LTBP2: variants seen among roughly 807,000 people sequenced by gnomAD.
LTBP2 encodes latent transforming growth factor beta binding protein 2, also known as latent-transforming growth factor beta-binding protein 2.
In LTBP2, 103 loss-of-function variants were observed where a neutral mutation model predicts 210.6. That is an observed-to-expected ratio of 0.49 (90% CI 0.42 to 0.58). The LOEUF is 0.58. Ranked by LOEUF, LTBP2 falls within the 20% of genes least tolerant of loss-of-function variation. The probability of loss-of-function intolerance (pLI) is 0.00; values close to 1 mark genes in which losing one functional copy is unlikely to be tolerated. For missense variants in LTBP2, 2,313 were observed against 2,494.5 expected, an observed-to-expected ratio of 0.93 and a Z score of 1.55; for synonymous variants, 1,007 against 1,015.0, an observed-to-expected ratio of 0.99 and a Z score of 0.15.
intron 3 of LTBP2, chr14:74,560,096 C>A (rs2139757803): frequency 6.6e-6 from 1 of 152,274 alleles, no homozygotes; most frequent in South Asian, 2.1e-4. Context: ...TTTCATGAAT[C>A]CGTAAGATTT....
At chr14:74,501,964 T>C (rs964381796) in intron 34 of LTBP2, 10 of 333,344 alleles carry the variant, frequency 3.0e-5, no homozygotes, top group Non-Finnish European at 4.6e-5. Flanking sequence ...CTTCACATCG[T>C]GTTTTTGGGA....
Position 74,500,981 on chromosome 14 carries a change from T to TG in LTBP2, c.5368dup (p.His1790ProfsTer22). 6.2e-7 allele frequency: 1 copy of TG among 1,614,138 alleles called. No individual in the cohort carries two copies. The highest frequency in any genetic ancestry group is 8.5e-7 in the Non-Finnish European group (1 of 1,180,014). ...GCCCTCTGTGTTCTCGCAGTAACCA[T>TG]GGACACAGAGCACAGCAGGCCCGTT... On this transcript the variant is annotated frameshift_variant, in exon 36 of 36. Coordinates refer to ENST00000261978, the MANE Select transcript of LTBP2 (RefSeq NM_000428.3). LOFTEE classifies it high-confidence loss of function.
intron 15 of LTBP2, among the ~76,000 whole-genome samples, chr14:74,524,161 C>T (rs1385923816): frequency 1.1e-4 from 16 of 152,270 alleles, no homozygotes; most frequent in South Asian, 4.1e-4. Context: ...CTTCCCATCC[C>T]TTCCTCCAGG....
intron 27 of LTBP2, 120 bp downstream of exon 27, chr14:74,506,578 T>C: frequency 6.7e-7 from 1 of 1,494,670 alleles, no homozygotes; most frequent in Admixed American, 1.7e-5. Flanking sequence ...CTTTGAAGCC[T>C]CCCTTGCCCA....
In LTBP2 at chr14:74,611,857, C is replaced by G; in HGVS notation, c.88G>C (p.Val30Leu). Residue 30 changes from valine to leucine, a missense_variant, in exon 1 of 36, where the codon GTG (valine) becomes CTG (leucine). Val to Leu is a conservative substitution (Grantham distance 32, BLOSUM62 1). This residue lies in a region of LTBP2 where 1,867 missense variants were observed against 1,976.9 expected (regional missense o/e 0.94). Coordinates refer to ENST00000261978, the MANE Select transcript of LTBP2 (RefSeq NM_000428.3). ...GFLPLTLALF[V>L]GAGHAQRDPV... ...TCCCTTTGGGCATGACCCGCGCCCA[C>G]GAAGAGAGCCAGGGTGAGCGGCAGG... 6.2e-7 allele frequency: 1 copy of G among 1,610,846 alleles called. No homozygotes were observed. Among genetic ancestry groups the G allele is most frequent in the Non-Finnish European group, 8.5e-7 (1 of 1,179,526 alleles).
chr14:74,554,687 A>G (rs1021208379), intron 4 of LTBP2, among the ~76,000 whole-genome samples: 1 of 152,160 alleles, frequency 6.6e-6, no homozygotes, highest in Non-Finnish European at 1.5e-5. Context: ...CTTAGTGGGT[A>G]CAAGGATTCT....
chr14:74,606,091 T>C (rs1307635330), intron 1 of LTBP2, among the ~76,000 whole-genome samples: 1 of 152,158 alleles, frequency 6.6e-6, no homozygotes, highest in Non-Finnish European at 1.5e-5. Context: ...TCTGACTCCC[T>C]AGAAGGTACC....
intron 8 of LTBP2, among the ~76,000 whole-genome samples, chr14:74,536,901 A>G (rs1420738764): frequency 6.6e-6 from 1 of 152,214 alleles, no homozygotes; most frequent in Non-Finnish European, 1.5e-5. Flanking sequence ...TTATTTGTCA[A>G]TTAAAATTTT....
intron 8 of LTBP2, among the ~76,000 whole-genome samples, chr14:74,543,412 A>G (rs1019715025): frequency 6.7e-6 from 1 of 150,044 alleles, no homozygotes; most frequent in Admixed American, 6.6e-5. Flanking sequence ...GAGGACGAAG[A>G]CTCAGCTTGT....
Position 74,529,010 on chromosome 14 carries a change from G to A in LTBP2, c.2100C>T (p.Arg700=), listed in dbSNP as rs767752650. 30 of 1,604,056 alleles carry A rather than the reference G, an allele frequency of 1.9e-5. No individual in the cohort carries two copies. Among genetic ancestry groups the A allele is most frequent in the Admixed American group, 5.1e-5 (3 of 58,906 alleles). ...ACTCGCTGCCCCATGCTTTGCCCAC[G>A]CGGCTGCAGCAGCATATCTGCTTGG... ...RITKQICCCS[R]VGKAWGSECE... is the part of the protein sequence containing the mutation. Residue 700 remains arginine (R), a synonymous_variant, in exon 11 of 36, where the codon CGC becomes CGT. Coordinates refer to ENST00000261978, the MANE Select transcript of LTBP2 (RefSeq NM_000428.3).
rs886050762 is a variant in LTBP2, at chr14:74,612,008, G to A, written c.-64C>T. 77 of 1,433,514 alleles carry A rather than the reference G, an allele frequency of 5.4e-5. 1 individual carries two copies. The Admixed American group carries it at 1.9e-3, about 36-fold the overall frequency. The allele number at this position is 1,433,514 out of a possible 1,614,324, so 88.8% of individuals were successfully genotyped here. ...CGAAGAGCTTTGTGGTCGGCACGCT[G>A]GACGCCCGCGGGCTGTTCTCCCGGC... is the stretch of plus-strand genomic sequence containing the variant. On this transcript the variant is annotated 5_prime_UTR_variant, in exon 1 of 36. Transcript: ENST00000261978.
intron 3 of LTBP2, among the ~76,000 whole-genome samples, chr14:74,581,499 C>A (rs1483945261): frequency 6.6e-6 from 1 of 152,048 alleles, no homozygotes; most frequent in South Asian, 2.1e-4. Flanking sequence ...TGGAGTCCAC[C>A]TGCTGCTGCT....
chr14:74,530,256 G>C (rs1333351869), intron 10 of LTBP2, among the ~76,000 whole-genome samples: 1 of 152,240 alleles, frequency 6.6e-6, no homozygotes, highest in Non-Finnish European at 1.5e-5. Flanking sequence ...GATTGGGTCA[G>C]GGATGGGCAC....
chr14:74,505,947 A>C, intron 28 of LTBP2, 101 bp downstream of exon 28: 1 of 1,512,732 alleles, frequency 6.6e-7, no homozygotes, highest in Non-Finnish European at 9.1e-7. Context: ...GCCCTGGCCC[A>C]GTGTCCCCCT....
At position 74,502,499 on chromosome 14, in the gene LTBP2, T is replaced by C. The variant is rs1402687272; in HGVS notation, c.5170+154A>G. ...AGGGTCGGACCTGGGCGTATGTACT[T>C]GTCTCAAGCGAGCCGTGAACGGGGA... is the stretch of plus-strand genomic sequence containing the variant. On this transcript the variant is annotated intron_variant, in intron 34 of 35. Transcript: ENST00000261978. 11 of 980,360 alleles carry C rather than the reference T, an allele frequency of 1.1e-5. No homozygotes were observed. The East Asian group carries it at 2.6e-4, about 23-fold the overall frequency. 60.7% of individuals were successfully genotyped at this position (980,360 alleles called of 1,614,324 possible). A position where few individuals can be genotyped will look rare whatever the true frequency, so the allele number is the denominator to read the frequency against.
Position 74,575,699 on chromosome 14 carries a change from C to T in LTBP2, c.830+10155G>A, listed in dbSNP as rs145324628. Among the ~76,000 whole-genome samples the T allele has an allele frequency of 2.7e-3, 408 of 152,328 alleles. 3 individuals carry two copies. The highest frequency in any genetic ancestry group is 9.3e-3 in the African/African-American group (386 of 41,568). On this transcript the variant is annotated intron_variant, in intron 3 of 35. Coordinates refer to ENST00000261978, the MANE Select transcript of LTBP2 (RefSeq NM_000428.3). Reference sequence around the variant, plus strand: ...GGACCCTCCACAAGCCTTAGTGTGGCCCATCCACATTTCTAGAACCTACCC... The same window carrying T: ...GGACCCTCCACAAGCCTTAGTGTGGTCCATCCACATTTCTAGAACCTACCC...
At chr14:74,569,248 C>T (rs934602108) in intron 3 of LTBP2, among the ~76,000 whole-genome samples, 21 of 151,962 alleles carry the variant, frequency 1.4e-4, no homozygotes, top group Middle Eastern at 3.2e-3. Context: ...GTCAGTTGCC[C>T]GACTCAGAGA....
intron 16 of LTBP2, 33 bp downstream of exon 16, chr14:74,522,757 C>A: frequency 6.3e-7 from 1 of 1,598,088 alleles, no homozygotes. Context: ...CTACCCCAGC[C>A]GCCAAGTAAG....
At chr14:74,587,897 C>T (rs1162388352) in intron 2 of LTBP2, among the ~76,000 whole-genome samples, 2 of 152,212 alleles carry the variant, frequency 1.3e-5, no homozygotes. Context: ...CATAGACGAG[C>T]GCTGAAGACC....
Sources: allele counts gnomAD v4.1 joint callset (sites outside exome capture counted in the v4.1 genomes callset), GRCh38; gene constraint gnomAD v4.1.1; regional missense constraint gnomAD v4.1.1; transcripts MANE v1.5; gene names NCBI Gene and HGNC (gene_info 2026-07-23, HGNC 2026-07-21).